The following SLC13A1 variants were observed in gnomAD, a reference collection of about 807,000 sequenced individuals.
The protein encoded by SLC13A1 is solute carrier family 13 member 1.
Under a neutral mutation model 70.0 loss-of-function variants are expected in SLC13A1, and 65 were observed. That is an observed-to-expected ratio of 0.93 (90% CI 0.76 to 1.14). The LOEUF is 1.14. Ranked by LOEUF, SLC13A1 falls within the 50% of genes most tolerant of loss-of-function variation. The pLI, the probability that SLC13A1 is intolerant of heterozygous loss-of-function variation, is 0.00. For synonymous variants in SLC13A1, 275 were observed against 250.5 expected (o/e 1.10, Z -0.92); for missense variants, 726 against 717.8 (o/e 1.01, Z -0.13).
At chr7:123,189,102 G>A (rs1203391274) in intron 1 of SLC13A1, among the ~76,000 whole-genome samples, 1 of 97,546 alleles carries the variant, frequency 1.0e-5, no homozygotes, top group Non-Finnish European at 1.9e-5. Flanking sequence ...GCGACAGAGC[G>A]AGACTCCGTC....
At chr7:123,123,294 C>G in intron 11 of SLC13A1, 59 bp from the exon 12 acceptor site, 1 of 1,051,518 alleles carries the variant, frequency 9.5e-7, no homozygotes, top group East Asian at 2.4e-5. Context: ...ATGACATTTG[C>G]TTCAGCATCC....
chr7:123,179,701 C>T (rs1467700477), intron 2 of SLC13A1, among the ~76,000 whole-genome samples: 1 of 152,134 alleles, frequency 6.6e-6, no homozygotes, highest in African/African-American at 2.4e-5. Context: ...CAGCTTGCTA[C>T]AGAAATGCCC....
chr7:123,139,769 T>G (rs1794067931), intron 7 of SLC13A1, among the ~76,000 whole-genome samples: 1 of 152,144 alleles, frequency 6.6e-6, no homozygotes, highest in South Asian at 2.1e-4. Flanking sequence ...TTTTATATCC[T>G]GCAACTTTAC....
chr7:123,185,209 C>A (rs988332632), intron 1 of SLC13A1, among the ~76,000 whole-genome samples: 14 of 148,186 alleles, frequency 9.4e-5, no homozygotes, highest in South Asian at 4.2e-4. Flanking sequence ...GAATAGTTTG[C>A]AAATATTTTA....
chr7:123,147,274 C>A lies in SLC13A1; in HGVS notation c.697G>T (p.Gly233Cys), dbSNP rs1190352423. 6.2e-7 allele frequency: 1 copy of A among 1,613,500 alleles called. No individual in the cohort carries two copies. The highest frequency in any genetic ancestry group is 1.7e-5 in the Admixed American group (1 of 59,954). Residue 233 changes from glycine to cysteine, a missense_variant, in exon 7 of 15, where the codon GGC becomes TGC. Coordinates refer to ENST00000194130, the MANE Select transcript of SLC13A1 (RefSeq NM_022444.4). ...CACGTAAGTTTACGTGTCACGTGGC[C>A]CTTCTTTGTTCGATATTTGGTTCTC... The part of the protein sequence containing the change: ...GMRTKYRTKK[G>C]HVTRKLTCLC...
chr7:123,138,391 A>G (rs1794021372), intron 7 of SLC13A1, among the ~76,000 whole-genome samples: 1 of 152,198 alleles, frequency 6.6e-6, no homozygotes, highest in African/African-American at 2.4e-5. Context: ...GAGTGCAGAT[A>G]TACCTTCCAA....
intron 4 of SLC13A1, 59 bp from the exon 5 acceptor site, chr7:123,168,620 C>CTG: frequency 7.5e-7 from 1 of 1,330,608 alleles, no homozygotes; most frequent in Admixed American, 1.8e-5. Flanking sequence ...TTGGGTTTGC[C>CTG]TGTGTGTGGA....
intron 6 of SLC13A1, among the ~76,000 whole-genome samples, chr7:123,159,544 C>T (rs748481715): frequency 3.9e-5 from 6 of 152,118 alleles, no homozygotes; most frequent in Non-Finnish European, 5.9e-5. Flanking sequence ...GAAAATATAA[C>T]AGATTTGTAT....
At chr7:123,187,841 AT>A in intron 1 of SLC13A1, among the ~76,000 whole-genome samples, 1 of 151,674 alleles carries the variant, frequency 6.6e-6, no homozygotes, top group East Asian at 1.9e-4. Context: ...GTTTGTTTGG[AT>A]TTTTTCCCCA....
chr7:123,192,401 T>A (rs1036301407), intron 1 of SLC13A1, among the ~76,000 whole-genome samples: 48 of 152,234 alleles, frequency 3.2e-4, no homozygotes, highest in African/African-American at 1.1e-3. Flanking sequence ...TGTGGCTGAT[T>A]ACATTTAAAA....
chr7:123,135,237 T>C (rs1793913928), intron 7 of SLC13A1, among the ~76,000 whole-genome samples: 1 of 152,184 alleles, frequency 6.6e-6, no homozygotes, highest in Non-Finnish European at 1.5e-5. Context: ...ATTTTCAACT[T>C]TTAAACTCAC....
chr7:123,149,101 A>G (rs1449542971), intron 6 of SLC13A1, among the ~76,000 whole-genome samples: 1 of 152,134 alleles, frequency 6.6e-6, no homozygotes, highest in East Asian at 1.9e-4. Flanking sequence ...CTGGTGACGT[A>G]TGACACACTC....
intron 6 of SLC13A1, among the ~76,000 whole-genome samples, chr7:123,167,498 A>G (rs1795114797): frequency 6.6e-6 from 1 of 152,182 alleles, no homozygotes; most frequent in Non-Finnish European, 1.5e-5. Flanking sequence ...CTGTTAATGC[A>G]TTCCATGGCC....
chr7:123,161,169 T>C (rs1017200736), intron 6 of SLC13A1, among the ~76,000 whole-genome samples: 1 of 151,318 alleles, frequency 6.6e-6, no homozygotes, highest in Non-Finnish European at 1.5e-5. Context: ...GGAAAGATTA[T>C]TTGAAAAATA....
At chr7:123,119,746 GT>G (rs1214001874) in intron 12 of SLC13A1, among the ~76,000 whole-genome samples, 1 of 151,722 alleles carries the variant, frequency 6.6e-6, no homozygotes, top group Non-Finnish European at 1.5e-5. Flanking sequence ...TTTCTAATAT[GT>G]TACATGATAA....
At chr7:123,172,109 C>T (rs1003606036) in intron 2 of SLC13A1, among the ~76,000 whole-genome samples, 12 of 151,840 alleles carry the variant, frequency 7.9e-5, no homozygotes, top group African/African-American at 2.2e-4. Flanking sequence ...AAAAGTATAC[C>T]GAAAAAAGAG....
At chr7:123,177,870 C>T (rs183368893) in intron 2 of SLC13A1, among the ~76,000 whole-genome samples, 3 of 152,208 alleles carry the variant, frequency 2.0e-5, no homozygotes, top group Admixed American at 6.6e-5. Context: ...ATACAGTGTT[C>T]ATTGCCTCCT....
intron 7 of SLC13A1, among the ~76,000 whole-genome samples, chr7:123,140,261 C>A (rs1242294116): frequency 2.0e-5 from 3 of 152,012 alleles, no homozygotes; most frequent in African/African-American, 4.8e-5. Context: ...GTTGACACAT[C>A]TTTGCAACCC....
intron 8 of SLC13A1, among the ~76,000 whole-genome samples, chr7:123,130,278 A>G (rs940539155): frequency 2.0e-5 from 3 of 152,214 alleles, no homozygotes; most frequent in African/African-American, 4.8e-5. Flanking sequence ...TGTTCACTGC[A>G]GCACTATTCA....
Sources: allele counts gnomAD v4.1 joint callset (sites outside exome capture counted in the v4.1 genomes callset), GRCh38; gene constraint gnomAD v4.1.1; transcripts MANE v1.5; gene names NCBI Gene and HGNC (gene_info 2026-07-23, HGNC 2026-07-21).